ATP8A2: variants seen among roughly 807,000 people sequenced by gnomAD.
ATP8A2 encodes ATPase phospholipid transporting 8A2, also known as phospholipid-transporting ATPase IB.
ATP8A2 carries 100 observed loss-of-function variants against 165.6 expected under a neutral mutation model. That is an observed-to-expected ratio of 0.60 (90% CI 0.51 to 0.71). The LOEUF is 0.71. Among genes scored for constraint, ATP8A2 ranks in the 30% least tolerant of loss-of-function variants. The pLI, the probability that ATP8A2 is intolerant of heterozygous loss-of-function variation, is 0.00. For synonymous variants in ATP8A2, 543 were observed against 548.8 expected (o/e 0.99, Z 0.15); for missense variants, 1,227 against 1,479.5 (o/e 0.83, Z 2.80).
intron 2 of ATP8A2, among the ~76,000 whole-genome samples, chr13:25,497,481 A>G (rs1355857863): frequency 6.6e-6 from 1 of 152,212 alleles, no homozygotes; most frequent in Non-Finnish European, 1.5e-5. Flanking sequence ...TCAGGGGAAA[A>G]TAAAGGCTGT....
chr13:25,918,118 A>G (rs1466952529), intron 33 of ATP8A2, among the ~76,000 whole-genome samples: 3 of 152,238 alleles, frequency 2.0e-5, no homozygotes, highest in Non-Finnish European at 2.9e-5. Context: ...TGGCCAAACC[A>G]CATAAATGGA....
At chr13:25,893,224 C>A (rs909904243) in intron 33 of ATP8A2, among the ~76,000 whole-genome samples, 3 of 131,262 alleles carry the variant, frequency 2.3e-5, no homozygotes, top group Non-Finnish European at 3.2e-5. Flanking sequence ...CAACAGTCCC[C>A]GGAGTGTGAT....
rs571101847 is a variant in ATP8A2 at position 25,885,060 on chromosome 13, C to T, written c.3183+22652C>T. 4.7e-5 allele frequency among the ~76,000 whole-genome samples: 7 copies of T among 150,360 alleles called. No individual in the cohort carries two copies. In the South Asian group the frequency reaches 8.5e-4, roughly 18 times the overall value. On this transcript the variant is annotated intron_variant, in intron 33 of 36. Transcript: ENST00000381655. ...TCCATGTCCTGGTCTGCCCAGGGCTCGCTTCCTCTCTCCAGCCTGAGAGTC... is the reference window on the plus strand; with the variant it reads ...TCCATGTCCTGGTCTGCCCAGGGCTTGCTTCCTCTCTCCAGCCTGAGAGTC...
At chr13:25,516,241 T>C (rs1593442175) in intron 2 of ATP8A2, among the ~76,000 whole-genome samples, 1 of 152,124 alleles carries the variant, frequency 6.6e-6, no homozygotes, top group East Asian at 1.9e-4. Flanking sequence ...TTGGGAAGTG[T>C]CTTTTCTGAC....
chr13:25,680,031 G>T (rs2042451548), intron 24 of ATP8A2, among the ~76,000 whole-genome samples: 1 of 152,156 alleles, frequency 6.6e-6, no homozygotes, highest in African/African-American at 2.4e-5. Flanking sequence ...TGGAATTAAA[G>T]TGGGGGCAGA....
chr13:25,736,151 A>G (rs2043764337), intron 25 of ATP8A2, among the ~76,000 whole-genome samples: 1 of 152,212 alleles, frequency 6.6e-6, no homozygotes, highest in African/African-American at 2.4e-5. Context: ...AGTAGGTTAT[A>G]CCATCTGGGT....
At chr13:25,794,622 G>A (rs1950458329) in intron 27 of ATP8A2, among the ~76,000 whole-genome samples, 1 of 152,062 alleles carries the variant, frequency 6.6e-6, no homozygotes, top group Non-Finnish European at 1.5e-5. Flanking sequence ...ACACAAGGGT[G>A]CGCAGTTATC....
chr13:25,448,846 G>A (rs2035137778), intron 1 of ATP8A2, among the ~76,000 whole-genome samples: 1 of 151,930 alleles, frequency 6.6e-6, no homozygotes, highest in African/African-American at 2.4e-5. Context: ...TTTATTTTTA[G>A]TAGAGAAGGG....
intron 7 of ATP8A2, among the ~76,000 whole-genome samples, chr13:25,539,335 A>G (rs2038394964): frequency 6.6e-6 from 1 of 151,546 alleles, no homozygotes; most frequent in Non-Finnish European, 1.5e-5. Context: ...TTGTTCTGGA[A>G]CTCCTGGCCT....
chr13:25,648,779 G>A (rs1331553210), intron 24 of ATP8A2, among the ~76,000 whole-genome samples: 1 of 152,172 alleles, frequency 6.6e-6, no homozygotes, highest in Non-Finnish European at 1.5e-5. Flanking sequence ...CAATGAAAAT[G>A]CTATGTAAAT....
chr13:25,640,683 G>A (rs2041495727), intron 24 of ATP8A2, among the ~76,000 whole-genome samples: 1 of 152,158 alleles, frequency 6.6e-6, no homozygotes, highest in Non-Finnish European at 1.5e-5. Flanking sequence ...GTACAAGGAG[G>A]AGCTGGTACC....
Position 25,541,908 on chromosome 13 carries a change from T to C in ATP8A2, c.652-11T>C, listed in dbSNP as rs768621208. 4 of 1,613,998 alleles carry C rather than the reference T, an allele frequency of 2.5e-6. No individual in the cohort carries two copies. Among genetic ancestry groups the C allele is most frequent in the Non-Finnish European group, 3.4e-6 (4 of 1,179,900 alleles). ...TTGTGTTTGACTTCCTCTTTTGGTTTAATCTTTTAGGGTTTGAGTCACACT... is the reference window on the plus strand; with the variant it reads ...TTGTGTTTGACTTCCTCTTTTGGTTCAATCTTTTAGGGTTTGAGTCACACT... On this transcript the variant is annotated splice_polypyrimidine_tract_variant and intron_variant, in intron 8 of 36. Transcript: ENST00000381655.
At chr13:25,752,537 C>T (rs937494802) in intron 25 of ATP8A2, among the ~76,000 whole-genome samples, 1 of 152,160 alleles carries the variant, frequency 6.6e-6, no homozygotes, top group Non-Finnish European at 1.5e-5. Flanking sequence ...TATTGTTCAT[C>T]AGCAGGTCCT....
intron 24 of ATP8A2, among the ~76,000 whole-genome samples, chr13:25,642,432 C>T (rs985203770): frequency 5.3e-5 from 8 of 152,122 alleles, no homozygotes; most frequent in South Asian, 2.1e-4. Flanking sequence ...ACAAAGTGGG[C>T]GAAGGCTATG....
intron 2 of ATP8A2, among the ~76,000 whole-genome samples, chr13:25,528,439 A>ATGGGACTATTGGCAG (rs2037909878): frequency 6.6e-6 from 1 of 152,234 alleles, no homozygotes; most frequent in Admixed American, 6.5e-5. Context: ...GCAGTGGCAG[A>ATGGGACTATTGGCAG]TGGGACTATT....
intron 36 of ATP8A2, among the ~76,000 whole-genome samples, chr13:26,016,685 G>A (rs77247793): frequency 0.026 from 3,917 of 152,248 alleles, 113 homozygotes; most frequent in African/African-American, 0.067. Flanking sequence ...GCCAAAAGAG[G>A]TATAATAGGT....
intron 33 of ATP8A2, among the ~76,000 whole-genome samples, chr13:25,884,547 G>A (rs1472423608): frequency 1.3e-5 from 2 of 152,146 alleles, no homozygotes; most frequent in African/African-American, 2.4e-5. Flanking sequence ...TGCTTTGGCT[G>A]GCACTTCCCA....
At chr13:25,988,980 A>G (rs1278260972) in intron 35 of ATP8A2, among the ~76,000 whole-genome samples, 1 of 152,206 alleles carries the variant, frequency 6.6e-6, no homozygotes, top group East Asian at 1.9e-4. Flanking sequence ...CCTCTTTGTG[A>G]GTCTTGCACG....
chr13:25,813,943 G>A (rs750880654), intron 27 of ATP8A2, among the ~76,000 whole-genome samples: 29 of 152,238 alleles, frequency 1.9e-4, no homozygotes, highest in Non-Finnish European at 2.6e-4. Flanking sequence ...TGGTACATCA[G>A]CCTTTTTTCC....
Sources: allele counts gnomAD v4.1 joint callset (sites outside exome capture counted in the v4.1 genomes callset), GRCh38; gene constraint gnomAD v4.1.1; transcripts MANE v1.5; gene names NCBI Gene and HGNC (gene_info 2026-07-23, HGNC 2026-07-21).